PDE7B: variants seen among roughly 807,000 people sequenced by gnomAD.
PDE7B encodes the protein 3',5'-cyclic-AMP phosphodiesterase 7B.
PDE7B carries 29 observed loss-of-function variants against 56.2 expected under a neutral mutation model. That is an observed-to-expected ratio of 0.52 (90% CI 0.38 to 0.70). The LOEUF (loss-of-function observed/expected upper bound fraction) is 0.70. Among genes scored for constraint, PDE7B ranks in the 30% least tolerant of loss-of-function variants. PDE7B has a pLI of 0.00. For synonymous variants in PDE7B, 197 were observed against 196.9 expected (o/e 1.00, Z 0.00); for missense variants, 490 against 565.0 (o/e 0.87, Z 1.35).
In PDE7B at chr6:135,906,806, G is replaced by GTTTTT. The variant is rs1383346069; in HGVS notation, c.22-40655_22-40654insTTTTT. Among the ~76,000 whole-genome samples the GTTTTT allele has an allele frequency of 4.9e-4, 16 of 32,448 alleles. 1 individual carries two copies. Among genetic ancestry groups the GTTTTT allele is most frequent in the South Asian group, 1.6e-3 (1 of 632 alleles). 21.3% of individuals were successfully genotyped at this position (32,448 alleles called of 152,430 possible). On this transcript the variant is annotated intron_variant, in intron 1 of 12. Coordinates refer to ENST00000308191, the MANE Select transcript of PDE7B (RefSeq NM_018945.4). ...TTCTTTTGACTCAAATGTTAATGAGGTTTGTTTTTTTTTTTTTTTTTTTTT... is the reference window on the plus strand; with the variant it reads ...TTCTTTTGACTCAAATGTTAATGAGGTTTTTTTTGTTTTTTTTTTTTTTTTTTTTT...
chr6:136,160,529 T>G (rs577056549), intron 8 of PDE7B, among the ~76,000 whole-genome samples: 2 of 152,260 alleles, frequency 1.3e-5, no homozygotes, highest in East Asian at 3.9e-4. Context: ...GCCTCTCCCC[T>G]AGGTTCAGGG....
chr6:136,189,812 C>G (rs369142773), intron 12 of PDE7B, among the ~76,000 whole-genome samples: 37 of 151,614 alleles, frequency 2.4e-4, no homozygotes, highest in African/African-American at 8.2e-4. Flanking sequence ...TGGCAGAACA[C>G]ACTGATGGAA....
chr6:135,888,302 T>C (rs1193123571), intron 1 of PDE7B, among the ~76,000 whole-genome samples: 1 of 152,146 alleles, frequency 6.6e-6, no homozygotes, highest in Non-Finnish European at 1.5e-5. Context: ...CAGTTAGTTA[T>C]TGAACCCAGA....
At chr6:136,173,926 C>T (rs1778934127) in intron 9 of PDE7B, 38 bp downstream of exon 9, 1 of 1,432,018 alleles carries the variant, frequency 7.0e-7, no homozygotes, top group African/African-American at 1.4e-5. Flanking sequence ...GATGTGCATG[C>T]AGTAAAGATA....
In PDE7B at chr6:136,098,306, G is replaced by A. The variant is rs561002040; in HGVS notation, c.83-10425G>A. On this transcript the variant is annotated intron_variant, in intron 2 of 12. Transcript: ENST00000308191. ...AGGTAGTACACTCATCAGATCAGAA[G>A]AATATCTTTTCCTAATAACATTAGT... Among the ~76,000 whole-genome samples, 610 of 152,048 alleles carry A rather than the reference G, an allele frequency of 4.0e-3. 4 individuals are homozygous for A. Among genetic ancestry groups the A allele is most frequent in the Non-Finnish European group, 6.9e-3 (470 of 67,976 alleles).
At chr6:136,101,334 G>A (rs1335724946) in intron 2 of PDE7B, among the ~76,000 whole-genome samples, 3 of 152,186 alleles carry the variant, frequency 2.0e-5, no homozygotes. Context: ...GTTTCAGAAT[G>A]AATGTTGCCA....
At chr6:135,921,702 C>A (rs900442271) in intron 1 of PDE7B, among the ~76,000 whole-genome samples, 12 of 151,856 alleles carry the variant, frequency 7.9e-5, no homozygotes, top group Non-Finnish European at 1.8e-4. Flanking sequence ...TATTCTAATA[C>A]CTTCACAGAA....
chr6:135,956,791 A>AAAAGT (rs1774802797), intron 2 of PDE7B, among the ~76,000 whole-genome samples: 1 of 152,098 alleles, frequency 6.6e-6, no homozygotes, highest in African/African-American at 2.4e-5. Flanking sequence ...AAAAGAAAAG[A>AAAAGT]AAAGAAAGAC....
intron 10 of PDE7B, among the ~76,000 whole-genome samples, chr6:136,180,212 T>C (rs894037837): frequency 6.6e-6 from 1 of 152,230 alleles, no homozygotes; most frequent in Non-Finnish European, 1.5e-5. Flanking sequence ...AGTAGAACTA[T>C]GACTCCTTCC....
At chr6:135,926,667 G>C (rs551788097) in intron 1 of PDE7B, among the ~76,000 whole-genome samples, 1 of 152,226 alleles carries the variant, frequency 6.6e-6, no homozygotes, top group South Asian at 2.1e-4. Flanking sequence ...AAGAGCAGGG[G>C]TAGAGGGTGG....
chr6:136,123,669 A>T, intron 3 of PDE7B, among the ~76,000 whole-genome samples: 1 of 152,238 alleles, frequency 6.6e-6, no homozygotes, highest in East Asian at 1.9e-4. Context: ...TTTGAGGCAT[A>T]ACTTAACTCT....
At chr6:136,073,165 G>A (rs1777076974) in intron 2 of PDE7B, among the ~76,000 whole-genome samples, 1 of 152,004 alleles carries the variant, frequency 6.6e-6, no homozygotes, top group African/African-American at 2.4e-5. Flanking sequence ...CACAACTAGG[G>A]CCACAAGCAA....
rs117748132 is a variant in PDE7B, at chr6:136,110,321, C to T, written c.166+1507C>T. Among the ~76,000 whole-genome samples, 36 of 152,252 alleles carry T rather than the reference C, an allele frequency of 2.4e-4. No individual in the cohort carries two copies. The East Asian group carries it at 4.4e-3, about 19-fold the overall frequency. On this transcript the variant is annotated intron_variant, in intron 3 of 12. Transcript: ENST00000308191. ...CTGAATGGGCTGTTCCAGCTACCCA[C>T]GGAAGTTACACCTTTGACAGTCTCT...
At chr6:135,932,117 T>G (rs1468416397) in intron 1 of PDE7B, among the ~76,000 whole-genome samples, 1 of 151,904 alleles carries the variant, frequency 6.6e-6, no homozygotes, top group Non-Finnish European at 1.5e-5. Context: ...GCTTAAAAAA[T>G]TTATAGGAAA....
rs1356990519 is a variant in PDE7B at position 136,194,077 on chromosome 6, T to C, written c.*2237T>C. 2 of 152,168 alleles carry C rather than the reference T, an allele frequency of 1.3e-5. No individual in the cohort carries two copies. The highest frequency in any genetic ancestry group is 1.5e-5 in the Non-Finnish European group (1 of 68,036). The allele number at this position is 152,168 out of a possible 1,614,324, so 9.4% of individuals were successfully genotyped here. A position where few individuals can be genotyped will look rare whatever the true frequency, so the allele number is the denominator to read the frequency against. ...AGGCTCCAAAAGAGAATATGTCAGA[T>C]GTATTCCTACTTCCAAACCTGTCTT... On this transcript the variant is annotated 3_prime_UTR_variant, in exon 13 of 13. Transcript: ENST00000308191.
At chr6:135,928,742 G>A (rs1774246339) in intron 1 of PDE7B, among the ~76,000 whole-genome samples, 1 of 151,316 alleles carries the variant, frequency 6.6e-6, no homozygotes, top group Non-Finnish European at 1.5e-5. Context: ...ATTATAAGTG[G>A]GAGCTAAACA....
chr6:136,176,417 ATT>A (rs1040059353), intron 9 of PDE7B, among the ~76,000 whole-genome samples: 3 of 151,956 alleles, frequency 2.0e-5, no homozygotes, highest in Admixed American at 1.3e-4. Context: ...CATGCTTTGC[ATT>A]TTGTTTGTAG....
intron 3 of PDE7B, among the ~76,000 whole-genome samples, chr6:136,127,322 T>A (rs1193105663): frequency 2.0e-5 from 3 of 152,192 alleles, no homozygotes; most frequent in Non-Finnish European, 4.4e-5. Context: ...TAGGAGGTAA[T>A]GCCTCCCACA....
chr6:136,170,942 A>G (rs1197100773), intron 8 of PDE7B, among the ~76,000 whole-genome samples: 1 of 152,158 alleles, frequency 6.6e-6, no homozygotes, highest in Non-Finnish European at 1.5e-5. Context: ...TTAAGTTTCA[A>G]CGTGTGTTTT....
Sources: allele counts gnomAD v4.1 joint callset (sites outside exome capture counted in the v4.1 genomes callset), GRCh38; gene constraint gnomAD v4.1.1; transcripts MANE v1.5; gene names NCBI Gene and HGNC (gene_info 2026-07-23, HGNC 2026-07-21).